CPNE5: variants seen among roughly 807,000 people sequenced by gnomAD.
The protein encoded by CPNE5 is copine-5.
CPNE5 carries 42 observed loss-of-function variants against 81.1 expected under a neutral mutation model. The ratio of observed to expected loss-of-function variants is 0.52; its 90% CI spans 0.40 to 0.67. CPNE5 has a LOEUF of 0.67. Ranked by LOEUF, CPNE5 falls within the 30% of genes least tolerant of loss-of-function variation. The probability of loss-of-function intolerance (pLI) is 0.00; values close to 1 mark genes in which losing one functional copy is unlikely to be tolerated. For missense variants in CPNE5, 612 were observed against 815.5 expected (o/e 0.75, Z 3.04); for synonymous variants, 313 against 321.5 (o/e 0.97, Z 0.28).
At position 36,775,024 on chromosome 6, in the gene CPNE5, A is replaced by T. The variant is rs1284826932; in HGVS notation, c.674T>A (p.Leu225Gln). Residue 225 changes from leucine to glutamine, a missense_variant, in exon 10 of 21, where the codon CTA becomes CAA. Leu to Gln is a moderately radical substitution (Grantham distance 113). Transcript: ENST00000244751. ...CHKTEVMKNT[L>Q]NPVWQTFSIP... is the part of the protein sequence containing the mutation. ...GGAGAAAGTTTGCCAGACTGGATTT[A>T]GGGTGTTCTTCATGACCTCGGTCTT... The T allele has an allele frequency of 1.5e-5, 24 of 1,614,214 alleles. No individual in the cohort carries two copies. Among genetic ancestry groups the T allele is most frequent in the Non-Finnish European group, 1.7e-5 (20 of 1,180,020 alleles).
chr6:36,745,670 G>A (rs1057096047), intron 16 of CPNE5, among the ~76,000 whole-genome samples, 155 bp from the exon 17 acceptor site: 3 of 152,020 alleles, frequency 2.0e-5, no homozygotes, highest in African/African-American at 7.2e-5. Context: ...AGCTCCCAGG[G>A]CCCATCCTGA....
intron 3 of CPNE5, among the ~76,000 whole-genome samples, chr6:36,811,596 C>T (rs1232364520): frequency 4.6e-5 from 7 of 152,200 alleles, no homozygotes; most frequent in Admixed American, 4.6e-4. Context: ...CACTGAAAAG[C>T]AAATAGATCT....
At chr6:36,830,877 T>C (rs1234530487) in intron 1 of CPNE5, among the ~76,000 whole-genome samples, 7 of 151,982 alleles carry the variant, frequency 4.6e-5, no homozygotes, top group Non-Finnish European at 7.4e-5. Flanking sequence ...TTTAAATGTT[T>C]CTACTTCAAA....
rs748174455 is a variant in CPNE5 at position 36,822,164 on chromosome 6, C to T, written c.137-4G>A. The T allele has an allele frequency of 1.3e-5, 19 of 1,499,762 alleles. No individual in the cohort carries two copies. The highest frequency in any genetic ancestry group is 5.0e-5 in the East Asian group (2 of 39,822). The allele number at this position is 1,499,762 out of a possible 1,614,324, so 92.9% of individuals were successfully genotyped here. On this transcript the variant is annotated splice_region_variant and splice_polypyrimidine_tract_variant and intron_variant, in intron 2 of 20. Transcript: ENST00000244751. ...CCTTGGGTATACATGACGCACACTGCGGGGGGAGGAGAAACAGTGGATTAA... is the reference window on the plus strand; with the variant it reads ...CCTTGGGTATACATGACGCACACTGTGGGGGGAGGAGAAACAGTGGATTAA...
rs549894657 is a variant in CPNE5 at position 36,742,226 on chromosome 6, G to C, written c.*42C>G. 510 of 1,450,844 alleles carry C rather than the reference G, an allele frequency of 3.5e-4. 5 individuals are homozygous for C. The South Asian group carries it at 4.7e-3, about 13-fold the overall frequency. The allele number at this position is 1,450,844 out of a possible 1,614,324, so 89.9% of individuals were successfully genotyped here. A position where few individuals can be genotyped will look rare whatever the true frequency, so the allele number is the denominator to read the frequency against. Reference sequence around the variant, plus strand: ...TGGGGCCCTGGCCTCCCATTCACCTGGCCTCTCCCAGGCCCCAGCCACCTG... The same window carrying C: ...TGGGGCCCTGGCCTCCCATTCACCTCGCCTCTCCCAGGCCCCAGCCACCTG... On this transcript the variant is annotated 3_prime_UTR_variant, in exon 21 of 21. Coordinates refer to ENST00000244751, the MANE Select transcript of CPNE5 (RefSeq NM_020939.2).
intron 1 of CPNE5, among the ~76,000 whole-genome samples, chr6:36,831,208 C>T (rs1772958861): frequency 6.6e-6 from 1 of 151,746 alleles, no homozygotes; most frequent in Admixed American, 6.6e-5. Flanking sequence ...GCACATACCA[C>T]CACACCCGGC....
At chr6:36,838,695 C>T (rs1280514427) in intron 1 of CPNE5, 1 of 881,458 alleles carries the variant, frequency 1.1e-6, no homozygotes, top group South Asian at 5.2e-5. Context: ...TGTATCCACA[C>T]CTTAGTATGA....
Position 36,742,347 on chromosome 6 carries a change from G to A in CPNE5, c.1703C>T (p.Pro568Leu). 1 of 1,612,962 alleles carries A rather than the reference G, an allele frequency of 6.2e-7. No homozygotes were observed. The highest frequency in any genetic ancestry group is 8.5e-7 in the Non-Finnish European group (1 of 1,179,892). The change falls in exon 21 of 21, where the codon CCA (proline) becomes CTA (leucine). Residue 568 changes from proline (P) to leucine (L), a missense_variant. Coordinates refer to ENST00000244751, the MANE Select transcript of CPNE5 (RefSeq NM_020939.2). ...GGGCGAGTGGGTTGGTGCTGCGGGT[G>A]GGGGACGCGGGCGAATGCCCTGTGC... ...MKAQGIRPRP[P>L]PAAPTHSPSQ...
At chr6:36,802,993 C>T (rs1287821155) in intron 3 of CPNE5, among the ~76,000 whole-genome samples, 2 of 152,060 alleles carry the variant, frequency 1.3e-5, no homozygotes, top group Admixed American at 6.6e-5. Context: ...AGGTGGAGGT[C>T]GCAGTGAACT....
At chr6:36,759,285 A>G (rs1265553198) in intron 12 of CPNE5, among the ~76,000 whole-genome samples, 1 of 152,038 alleles carries the variant, frequency 6.6e-6, no homozygotes, top group Non-Finnish European at 1.5e-5. Context: ...CTGAGGTTTC[A>G]TGCTCCCAGC....
chr6:36,798,720 A>G (rs1769824082), intron 4 of CPNE5, among the ~76,000 whole-genome samples: 1 of 152,162 alleles, frequency 6.6e-6, no homozygotes, highest in African/African-American at 2.4e-5. Flanking sequence ...GGATGTAAAA[A>G]TGCATCGTGG....
intron 1 of CPNE5, among the ~76,000 whole-genome samples, chr6:36,831,652 A>AG (rs1773002494): frequency 6.6e-6 from 1 of 151,764 alleles, no homozygotes; most frequent in African/African-American, 2.4e-5. Flanking sequence ...AAAAAAAAAA[A>AG]AAAAAGGCCT....
At chr6:36,767,895 A>G (rs191773930) in intron 10 of CPNE5, among the ~76,000 whole-genome samples, 264 of 152,368 alleles carry the variant, frequency 1.7e-3, no homozygotes, top group Admixed American at 3.2e-3. Context: ...AATCCCCCCA[A>G]GAAGCTTTAG....
chr6:36,769,866 C>G (rs369884847), intron 10 of CPNE5, among the ~76,000 whole-genome samples: 2 of 152,200 alleles, frequency 1.3e-5, no homozygotes, highest in Non-Finnish European at 2.9e-5. Flanking sequence ...AGAGAAGGAA[C>G]TCACACATCA....
chr6:36,794,428 A>G (rs530508057), intron 7 of CPNE5, among the ~76,000 whole-genome samples, 162 bp downstream of exon 7: 1 of 152,300 alleles, frequency 6.6e-6, no homozygotes, highest in East Asian at 1.9e-4. Flanking sequence ...TCAGGGCCCA[A>G]AGAGCCTGGG....
intron 8 of CPNE5, among the ~76,000 whole-genome samples, chr6:36,790,586 A>G (rs1347752854): frequency 6.6e-6 from 1 of 152,168 alleles, no homozygotes; most frequent in Non-Finnish European, 1.5e-5. Context: ...GTTTTTCAAA[A>G]TATGTCTTAT....
rs528568304 is a variant in CPNE5 at position 36,801,139 on chromosome 6, C to T, written c.184-1069G>A. On this transcript the variant is annotated intron_variant, in intron 3 of 20. Transcript: ENST00000244751. ...TCAGAGACTGAATTGTCTTGGTTGC[C>T]CTTGCAGCTGATATTCTAGAATTTT... Among the ~76,000 whole-genome samples, 4 of 152,290 alleles carry T rather than the reference C, an allele frequency of 2.6e-5. No homozygotes were observed. The South Asian group carries it at 8.3e-4, about 32-fold the overall frequency.
rs1561837794 is a variant in CPNE5, at chr6:36,839,048, C to A, written c.95+235G>T. Among the ~76,000 whole-genome samples the A allele has an allele frequency of 6.6e-6, 1 of 152,314 alleles. No homozygotes were observed. The highest frequency in any genetic ancestry group is 1.9e-4 in the East Asian group (1 of 5,180). On this transcript the variant is annotated intron_variant, in intron 1 of 20. Transcript: ENST00000244751. This position sits in a 1 kb window ranked among gnomAD's most constrained non-coding sequence, Gnocchi z 7.3. Reference sequence around the variant, plus strand: ...CCTGTGTCTTCATATCTCCTCGATGCAACAGCCTGGAGCGCAAACTTTCTG... The same window carrying A: ...CCTGTGTCTTCATATCTCCTCGATGAAACAGCCTGGAGCGCAAACTTTCTG...
intron 9 of CPNE5, 90 bp downstream of exon 9, chr6:36,778,764 A>T: frequency 1.1e-6 from 1 of 912,380 alleles, no homozygotes; most frequent in East Asian, 2.5e-5. Context: ...GGCCCAAGCC[A>T]CCCTGCCTGG....
Sources: gnomAD v4.1 joint callset for allele counts (sites outside exome capture counted in the v4.1 genomes callset) on GRCh38, gnomAD v4.1.1 for gene constraint, Gnocchi (gnomAD v3.1) non-coding constraint, MANE v1.5 for transcripts, NCBI Gene and HGNC (gene_info 2026-07-23, HGNC 2026-07-21) for gene names.